The following KIAA0586 variants were observed in gnomAD, a reference collection of about 807,000 sequenced individuals.
KIAA0586 encodes protein TALPID3.
A neutral mutation model predicts 169.8 loss-of-function variants in KIAA0586; 144 were observed. That is an observed-to-expected ratio of 0.85 (90% CI 0.74 to 0.97). The LOEUF (loss-of-function observed/expected upper bound fraction) is 0.97, where lower values mean the gene tolerates loss of function less well. KIAA0586 is among the 50% of genes least tolerant of loss of function. The pLI is 0.00. For missense variants in KIAA0586, 1,854 were observed against 1,823.0 expected, an observed-to-expected ratio of 1.02 and a Z score of -0.31; for synonymous variants, 625 against 612.4, an observed-to-expected ratio of 1.02 and a Z score of -0.30.
At chr14:58,555,128 T>C (rs370754424), downstream of KIAA0586, among the ~76,000 whole-genome samples, 1,527 of 133,976 alleles carry the variant, frequency 0.011, 30 homozygotes, top group African/African-American at 0.041. Flanking sequence ...TTTGAGACAG[T>C]CTTGCTCTGT....
intron 29 of KIAA0586, chr14:58,520,775 C>T (rs1467118915): frequency 1.3e-5 from 2 of 154,796 alleles, no homozygotes; most frequent in African/African-American, 4.8e-5. Flanking sequence ...GTCTGCCCAC[C>T]TCAGCCTCCC....
At chr14:58,538,789 T>C (rs1401292809) in intron 29 of KIAA0586, among the ~76,000 whole-genome samples, 1 of 152,072 alleles carries the variant, frequency 6.6e-6, no homozygotes, top group Non-Finnish European at 1.5e-5. Flanking sequence ...TTCAATTGTT[T>C]TTTCTTTTCT....
At chr14:58,535,606 C>T (rs561222178) in intron 29 of KIAA0586, among the ~76,000 whole-genome samples, 1 of 152,038 alleles carries the variant, frequency 6.6e-6, no homozygotes, top group South Asian at 2.1e-4. Context: ...CTACTAGAGC[C>T]AATGAGTAAC....
chr14:58,493,864 G>A (rs947002426), intron 26 of KIAA0586, among the ~76,000 whole-genome samples: 5 of 152,008 alleles, frequency 3.3e-5, no homozygotes, highest in Admixed American at 1.3e-4. Context: ...GCGCATGTGC[G>A]GGTGGAAAGG....
chr14:58,546,025 C>T (rs1355913360), intron 30 of KIAA0586, among the ~76,000 whole-genome samples: 1 of 152,020 alleles, frequency 6.6e-6, no homozygotes, highest in Non-Finnish European at 1.5e-5. Flanking sequence ...CAGAGCAAGA[C>T]CCTGTCTCAA....
rs2047150482 is a variant in KIAA0586 at position 58,549,476 on chromosome 14, A to C, written c.*1544A>C. On this transcript the variant is annotated 3_prime_UTR_variant, in exon 31 of 31. Coordinates refer to ENST00000652326, the MANE Select transcript of KIAA0586 (RefSeq NM_001329943.3). ...GATTTTTTTTCTCACTGAACATAGA[A>C]GCTGCAAGAGTCTATGGAAACTCAG... 1 of 152,188 alleles carries C rather than the reference A, an allele frequency of 6.6e-6. No individual in the cohort carries two copies. Among genetic ancestry groups the C allele is most frequent in the African/African-American group, 2.4e-5 (1 of 41,446 alleles). 9.4% of individuals were successfully genotyped at this position (152,188 alleles called of 1,614,324 possible). A position where few individuals can be genotyped will look rare whatever the true frequency, so the allele number is the denominator to read the frequency against.
chr14:58,458,763 G>T, intron 12 of KIAA0586, among the ~76,000 whole-genome samples: 1 of 152,080 alleles, frequency 6.6e-6, no homozygotes, highest in East Asian at 1.9e-4. Context: ...TTGGCAAATT[G>T]TTGGACAAAA....
chr14:58,519,617 G>C (rs773901937), intron 29 of KIAA0586, among the ~76,000 whole-genome samples: 4 of 152,162 alleles, frequency 2.6e-5, no homozygotes, highest in Non-Finnish European at 5.9e-5. Flanking sequence ...TTGTTGATAA[G>C]AGCTGCTTTT....
In KIAA0586 at chr14:58,454,505, C is replaced by G. The variant is rs184098145; in HGVS notation, c.1253+1032C>G. On this transcript the variant is annotated intron_variant, in intron 9 of 30. Transcript: ENST00000652326. ...TATATAGTTCATCTTTAACAGTACT[C>G]TATTTCTTCATATGGATTCAAGTTA... is the stretch of plus-strand genomic sequence containing the variant. 9.9e-5 allele frequency among the ~76,000 whole-genome samples: 15 copies of G among 152,236 alleles called. 1 individual carries two copies. Among genetic ancestry groups the G allele is most frequent in the Admixed American group, 4.6e-4 (7 of 15,286 alleles).
Position 58,543,792 on chromosome 14 carries a change from A to T in KIAA0586, c.4495+3656A>T, listed in dbSNP as rs1268396732. ...CCAAGGATCATTAGTTCTTCTATGG[A>T]CTATTTTTATAGATCCGTCTCCCGT... On this transcript the variant is annotated intron_variant, in intron 30 of 30. Coordinates refer to ENST00000652326, the MANE Select transcript of KIAA0586 (RefSeq NM_001329943.3). The T allele has an allele frequency of 1.7e-5, 7 of 400,860 alleles. No individual in the cohort carries two copies. In the East Asian group the frequency reaches 5.1e-4, roughly 29 times the overall value. The allele number at this position is 400,860 out of a possible 1,614,324, so 24.8% of individuals were successfully genotyped here.
In KIAA0586 at chr14:58,487,035, C is replaced by G; in HGVS notation, c.3173C>G (p.Pro1058Arg). The change falls in exon 22 of 31, where the codon CCA becomes CGA. Residue 1058 changes from proline to arginine, a missense_variant. Transcript: ENST00000652326. Reference protein sequence around the residue: ...PARVCTPLPTPQPTPPCSPSS... With the variant: ...PARVCTPLPTRQPTPPCSPSS... ...AGAGTGTGCACCCCACTGCCTACCC[C>G]ACAGCCTACGCCTCCTTGCTCACCT... 1 of 1,612,284 alleles carries G rather than the reference C, an allele frequency of 6.2e-7. No individual in the cohort carries two copies. The highest frequency in any genetic ancestry group is 2.2e-5 in the East Asian group (1 of 44,860).
intron 28 of KIAA0586, among the ~76,000 whole-genome samples, chr14:58,512,264 G>C (rs1442375469): frequency 6.6e-6 from 1 of 151,920 alleles, no homozygotes; most frequent in Non-Finnish European, 1.5e-5. Context: ...AAAATAGACA[G>C]AAATGACTTG....
chr14:58,444,609 A>G (rs1273691445), intron 6 of KIAA0586, among the ~76,000 whole-genome samples: 2 of 151,900 alleles, frequency 1.3e-5, no homozygotes, highest in Admixed American at 6.6e-5. Context: ...TTTTTAGTAG[A>G]GGTGGGGTTT....
Position 58,460,064 on chromosome 14 carries a change from A to G in KIAA0586, c.1878A>G (p.Arg626=). Residue 626 remains arginine (R), a synonymous_variant, in exon 13 of 31, where the codon AGA becomes AGG. Transcript: ENST00000652326. ...CTGCTTCAAGTTTACAGAAAGAGAG[A>G]AAGGAAGTAAGATCCTAATCTGTTC... ...GMPASSLQKE[R]KEGLLKATTV... The G allele has an allele frequency of 3.4e-6, 5 of 1,486,646 alleles. No individual in the cohort carries two copies. Among genetic ancestry groups the G allele is most frequent in the Non-Finnish European group, 4.5e-6 (5 of 1,105,896 alleles). The allele number at this position is 1,486,646 out of a possible 1,614,324, so 92.1% of individuals were successfully genotyped here.
intron 29 of KIAA0586, among the ~76,000 whole-genome samples, chr14:58,536,597 A>C (rs1231494232): frequency 6.6e-6 from 1 of 152,188 alleles, no homozygotes; most frequent in Non-Finnish European, 1.5e-5. Flanking sequence ...CAATATTTTG[A>C]ACGACTATTT....
At chr14:58,430,797 C>G in intron 3 of KIAA0586, 80 bp downstream of exon 3, 1 of 747,188 alleles carries the variant, frequency 1.3e-6, no homozygotes, top group East Asian at 2.7e-5. Context: ...ATGTACAGTT[C>G]TGTGACAGTA....
intron 20 of KIAA0586, among the ~76,000 whole-genome samples, chr14:58,478,994 T>C (rs1431605413): frequency 1.3e-5 from 2 of 152,256 alleles, no homozygotes; most frequent in Non-Finnish European, 2.9e-5. Flanking sequence ...TTGGCTATTA[T>C]GAATAAAGCT....
intron 14 of KIAA0586, among the ~76,000 whole-genome samples, chr14:58,462,275 T>C (rs1383972667): frequency 6.7e-6 from 1 of 148,620 alleles, no homozygotes; most frequent in African/African-American, 2.5e-5. Context: ...TGAGACGGAG[T>C]CTTGCTCTGT....
the KIAA0586 span, among the ~76,000 whole-genome samples, chr14:58,558,795 A>G: frequency 1.3e-5 from 2 of 152,348 alleles, no homozygotes; most frequent in South Asian, 4.1e-4. Context: ...TAGGTTTATT[A>G]ATCAGAAATC....
Sources: allele counts gnomAD v4.1 joint callset (sites outside exome capture counted in the v4.1 genomes callset), GRCh38; gene constraint gnomAD v4.1.1; transcripts MANE v1.5; gene names NCBI Gene and HGNC (gene_info 2026-07-23, HGNC 2026-07-21).